IMMP2L: variants seen among roughly 807,000 people sequenced by gnomAD.
The protein encoded by IMMP2L is mitochondrial inner membrane protease subunit 2.
Under a neutral mutation model 19.3 loss-of-function variants are expected in IMMP2L, and 18 were observed. That is an observed-to-expected ratio of 0.93 (90% CI 0.64 to 1.38). The LOEUF is 1.38. Among genes scored for constraint, IMMP2L ranks in the 40% most tolerant of loss-of-function variants. The pLI is 0.00. For synonymous variants in IMMP2L, 76 were observed against 73.0 expected, an observed-to-expected ratio of 1.04 and a Z score of -0.21; for missense variants, 233 against 218.2, an observed-to-expected ratio of 1.07 and a Z score of -0.43.
rs116093292 is a variant in IMMP2L, at chr7:111,072,090, T to C, written c.240-108525A>G. Among the ~76,000 whole-genome samples the C allele has an allele frequency of 7.2e-3, 1,100 of 152,258 alleles. 15 individuals carry two copies. The highest frequency in any genetic ancestry group is 0.025 in the African/African-American group (1,049 of 41,550). On this transcript the variant is annotated intron_variant, in intron 3 of 5. Transcript: ENST00000405709. ...GATACTAATAGCTTACAACTCATTGTTGGGAAAAAAAATCCATTAGTCCTT... is the reference window on the plus strand; with the variant it reads ...GATACTAATAGCTTACAACTCATTGCTGGGAAAAAAAATCCATTAGTCCTT...
chr7:110,793,620 A>G (rs758151700), intron 5 of IMMP2L, among the ~76,000 whole-genome samples: 2 of 152,136 alleles, frequency 1.3e-5, no homozygotes, highest in African/African-American at 4.8e-5. Flanking sequence ...AAAAAAAAGT[A>G]TAAAGCTGCA....
At chr7:110,974,667 T>A (rs917688967) in intron 3 of IMMP2L, among the ~76,000 whole-genome samples, 4 of 152,104 alleles carry the variant, frequency 2.6e-5, no homozygotes, top group African/African-American at 9.7e-5. Context: ...CCCTCCAGGC[T>A]GTTCACTGGC....
intron 3 of IMMP2L, among the ~76,000 whole-genome samples, chr7:111,366,524 G>T (rs2131048373): frequency 6.6e-6 from 1 of 151,810 alleles, no homozygotes; most frequent in East Asian, 1.9e-4. Flanking sequence ...GAAACAAAAA[G>T]CAAATGTTTA....
intron 3 of IMMP2L, among the ~76,000 whole-genome samples, chr7:111,167,232 T>C (rs962040386): frequency 6.5e-4 from 99 of 152,092 alleles, no homozygotes; most frequent in African/African-American, 2.2e-3. Flanking sequence ...ATCTTTCCTC[T>C]GATTATGTCC....
chr7:111,373,977 A>G (rs1830462098), intron 3 of IMMP2L, among the ~76,000 whole-genome samples: 2 of 150,940 alleles, frequency 1.3e-5, no homozygotes, highest in Admixed American at 6.6e-5. Context: ...ATCGTGGAGG[A>G]AAAAAAAAGC....
chr7:111,264,949 CTT>C (rs1817680229), intron 3 of IMMP2L, among the ~76,000 whole-genome samples: 1 of 152,090 alleles, frequency 6.6e-6, no homozygotes, highest in Non-Finnish European at 1.5e-5. Flanking sequence ...TTACCTTCAT[CTT>C]TACCTGCATC....
chr7:110,810,898 A>G (rs1801990733), intron 5 of IMMP2L, among the ~76,000 whole-genome samples: 1 of 152,120 alleles, frequency 6.6e-6, no homozygotes, highest in South Asian at 2.1e-4. Context: ...GACATCATAA[A>G]AAGTTTGTTT....
At chr7:110,861,496 G>C (rs1807429579) in intron 5 of IMMP2L, among the ~76,000 whole-genome samples, 1 of 151,796 alleles carries the variant, frequency 6.6e-6, no homozygotes, top group South Asian at 2.1e-4. Context: ...TGAACTCCTA[G>C]GCTCAAGTGA....
At position 111,262,220 on chromosome 7, in the gene IMMP2L, T is replaced by A. The variant is rs111633847; in HGVS notation, c.239+225018A>T. Among the ~76,000 whole-genome samples the A allele has an allele frequency of 3.5e-3, 533 of 152,080 alleles. 2 individuals are homozygous for A. The highest frequency in any genetic ancestry group is 0.012 in the African/African-American group (505 of 41,490). ...ATCTATAAACAAGATAAATAAATAA[T>A]ATAATAGTATTTCAGATAGGGATAA... On this transcript the variant is annotated intron_variant, in intron 3 of 5. Coordinates refer to ENST00000405709, the MANE Select transcript of IMMP2L (RefSeq NM_032549.4).
chr7:110,937,055 G>A (rs554390066), intron 4 of IMMP2L, among the ~76,000 whole-genome samples: 4 of 152,166 alleles, frequency 2.6e-5, no homozygotes, highest in Admixed American at 2.6e-4. Flanking sequence ...GCCGGTAGGG[G>A]GTTTGAGGGC....
intron 3 of IMMP2L, among the ~76,000 whole-genome samples, chr7:111,290,289 C>T (rs912305000): frequency 1.3e-5 from 2 of 152,102 alleles, no homozygotes; most frequent in Admixed American, 1.3e-4. Flanking sequence ...CATTGCCTAT[C>T]ACCCTTTACA....
intron 3 of IMMP2L, among the ~76,000 whole-genome samples, chr7:111,050,866 G>A (rs1792941580): frequency 6.6e-6 from 1 of 152,202 alleles, no homozygotes; most frequent in South Asian, 2.1e-4. Context: ...GAAAGCACAG[G>A]ATATATTCAA....
In IMMP2L at chr7:111,316,730, A is replaced by C. The variant is rs1824123227; in HGVS notation, c.239+170508T>G. On this transcript the variant is annotated intron_variant, in intron 3 of 5. Coordinates refer to ENST00000405709, the MANE Select transcript of IMMP2L (RefSeq NM_032549.4). Reference sequence around the variant, plus strand: ...CATAAATTTATATGCTTCAGTAAAAAAATTATCATATTTACAATCAAAAAA... The same window carrying C: ...CATAAATTTATATGCTTCAGTAAAACAATTATCATATTTACAATCAAAAAA... Among the ~76,000 whole-genome samples the C allele has an allele frequency of 2.0e-5, 3 of 152,170 alleles. No individual in the cohort carries two copies. The South Asian group carries it at 6.2e-4, about 32-fold the overall frequency.
At chr7:110,925,772 C>T (rs259009) in intron 4 of IMMP2L, among the ~76,000 whole-genome samples, 82,666 of 151,666 alleles carry the variant, frequency 0.55, 24,265 homozygotes, top group East Asian at 0.81. Flanking sequence ...TGTAAGCAAA[C>T]GAATGAATGA....
At chr7:111,100,406 T>C (rs1033187197) in intron 3 of IMMP2L, among the ~76,000 whole-genome samples, 1 of 148,386 alleles carries the variant, frequency 6.7e-6, no homozygotes, top group Non-Finnish European at 1.5e-5. Flanking sequence ...ATAATATGCT[T>C]AAACTTTATA....
chr7:111,046,882 C>T (rs765975388), intron 3 of IMMP2L, among the ~76,000 whole-genome samples: 42 of 152,060 alleles, frequency 2.8e-4, no homozygotes, highest in Admixed American at 2.2e-3. Flanking sequence ...GGGCCAAGAG[C>T]GTACATCTAA....
intron 3 of IMMP2L, among the ~76,000 whole-genome samples, chr7:111,248,861 G>A (rs1292353585): frequency 3.9e-4 from 6 of 15,440 alleles, no homozygotes; most frequent in Admixed American, 8.7e-4. Context: ...ACCCACTTGA[G>A]GAGGCAGTCT....
intron 3 of IMMP2L, among the ~76,000 whole-genome samples, chr7:111,049,631 C>T (rs1478661467): frequency 6.6e-6 from 1 of 152,064 alleles, no homozygotes; most frequent in African/African-American, 2.4e-5. Context: ...TAAAAGTGTA[C>T]GTAGCAACAG....
At position 111,521,410 on chromosome 7, in the gene IMMP2L, T is replaced by C; in HGVS notation, c.38A>G (p.Lys13Arg). ...CACAAAGAAGCCTTTACAAAAGGCCTTGATGTATCTTTTCACCCACCCTTG... is the reference window on the plus strand; with the variant it reads ...CACAAAGAAGCCTTTACAAAAGGCCCTGATGTATCTTTTCACCCACCCTTG... ...QSQGWVKRYIKAFCKGFFVAV... is the reference protein window; with the variant it reads ...QSQGWVKRYIRAFCKGFFVAV... Residue 13 changes from lysine to arginine, a missense_variant, in exon 2 of 6, where the codon AAG (lysine) becomes AGG (arginine). Lys to Arg is a conservative substitution (Grantham distance 26). Coordinates refer to ENST00000405709, the MANE Select transcript of IMMP2L (RefSeq NM_032549.4). 1 of 1,612,946 alleles carries C rather than the reference T, an allele frequency of 6.2e-7. No homozygotes were observed. The highest frequency in any genetic ancestry group is 8.5e-7 in the Non-Finnish European group (1 of 1,179,268).
Sources: gnomAD v4.1 joint callset for allele counts (sites outside exome capture counted in the v4.1 genomes callset) on GRCh38, gnomAD v4.1.1 for gene constraint, MANE v1.5 for transcripts, NCBI Gene and HGNC (gene_info 2026-07-23, HGNC 2026-07-21) for gene names.